Variants in ANKAR observed in about 807,000 individuals in gnomAD.
ANKAR encodes ankyrin and armadillo repeat-containing protein.
ANKAR carries 136 observed loss-of-function variants against 146.2 expected under a neutral mutation model. That is an observed-to-expected ratio of 0.93 (90% CI 0.81 to 1.07). ANKAR has a LOEUF of 1.07. Ranked by LOEUF, ANKAR falls within the 50% of genes least tolerant of loss-of-function variation. The pLI is 0.00. For missense variants in ANKAR, 1,567 were observed against 1,679.9 expected, an observed-to-expected ratio of 0.93 and a Z score of 1.18; for synonymous variants, 500 against 575.8, an observed-to-expected ratio of 0.87 and a Z score of 1.88.
At chr2:189,696,889 A>G (rs2037293156) in intron 7 of ANKAR, among the ~76,000 whole-genome samples, 1 of 152,158 alleles carries the variant, frequency 6.6e-6, no homozygotes, top group South Asian at 2.1e-4. Context: ...TATTTAAATT[A>G]CATTTAATAA....
At chr2:189,712,638 A>G (rs1364712494) in intron 10 of ANKAR, among the ~76,000 whole-genome samples, 1 of 152,230 alleles carries the variant, frequency 6.6e-6, no homozygotes, top group South Asian at 2.1e-4. Flanking sequence ...CAAAGACCAA[A>G]GGTAGATAAA....
At chr2:189,677,701 G>A (rs1376393760) in intron 2 of ANKAR, among the ~76,000 whole-genome samples, 1 of 150,100 alleles carries the variant, frequency 6.7e-6, no homozygotes, top group African/African-American at 2.5e-5. Flanking sequence ...TTTGGAGATG[G>A]GGTCTCCCTG....
chr2:189,720,399 C>T (rs1472170149), intron 11 of ANKAR, among the ~76,000 whole-genome samples: 2 of 152,080 alleles, frequency 1.3e-5, no homozygotes, highest in African/African-American at 4.8e-5. Context: ...AGGCACGTGC[C>T]ACCACGCCTG....
At chr2:189,731,638 C>G (rs902675092) in intron 16 of ANKAR, among the ~76,000 whole-genome samples, 60 of 151,902 alleles carry the variant, frequency 3.9e-4, no homozygotes, top group African/African-American at 1.4e-3. Flanking sequence ...TCCCAAAGTG[C>G]TGGGATTAAG....
chr2:189,753,901 T>C (rs2045670983), intron 18 of ANKAR: 2 of 1,609,898 alleles, frequency 1.2e-6, no homozygotes, highest in Non-Finnish European at 8.5e-7. Flanking sequence ...TACTATAAAA[T>C]GAGATAAAAC....
At chr2:189,698,431 C>T (rs956794619) in intron 7 of ANKAR, among the ~76,000 whole-genome samples, 5 of 151,788 alleles carry the variant, frequency 3.3e-5, no homozygotes, top group Non-Finnish European at 5.9e-5. Context: ...AGGCTGCCAT[C>T]TAGTGGCAGT....
chr2:189,732,016 G>A (rs2042449682), intron 16 of ANKAR, among the ~76,000 whole-genome samples: 2 of 152,112 alleles, frequency 1.3e-5, no homozygotes, highest in Admixed American at 6.6e-5. Context: ...TTTAACAAAT[G>A]TGTGTCTTAT....
chr2:189,702,450 T>C (rs1477900375), intron 7 of ANKAR, among the ~76,000 whole-genome samples: 1 of 152,208 alleles, frequency 6.6e-6, no homozygotes, highest in African/African-American at 2.4e-5. Flanking sequence ...CTTACTCCAG[T>C]AATGATTCCT....
At chr2:189,732,202 A>C (rs983936645) in intron 16 of ANKAR, among the ~76,000 whole-genome samples, 7 of 152,226 alleles carry the variant, frequency 4.6e-5, no homozygotes, top group Non-Finnish European at 1.0e-4. Flanking sequence ...TTTCATAGAA[A>C]TGCATAGTAC....
At chr2:189,746,027 T>A (rs1190824642) in intron 22 of ANKAR, among the ~76,000 whole-genome samples, 2 of 152,158 alleles carry the variant, frequency 1.3e-5, no homozygotes, top group Non-Finnish European at 2.9e-5. Context: ...TAAGAAAAAA[T>A]AAGGGCAAGG....
At chr2:189,758,434 C>A (rs781056630) in intron 18 of ANKAR, among the ~76,000 whole-genome samples, 2 of 152,098 alleles carry the variant, frequency 1.3e-5, no homozygotes, top group African/African-American at 4.8e-5. Flanking sequence ...CGGTCCTGCT[C>A]CTGCCATGTA....
At chr2:189,736,853 C>G (rs924809941) in intron 17 of ANKAR, among the ~76,000 whole-genome samples, 1 of 151,810 alleles carries the variant, frequency 6.6e-6, no homozygotes, top group South Asian at 2.1e-4. Flanking sequence ...CGAGCAGACA[C>G]CTTGAGCTCA....
chr2:189,720,894 A>T (rs1447825294), intron 12 of ANKAR, 107 bp downstream of exon 12: 3 of 893,976 alleles, frequency 3.4e-6, no homozygotes, highest in Non-Finnish European at 4.6e-6. Flanking sequence ...TCTGTGTTTG[A>T]ATAGATCTAA....
chr2:189,760,064 C>A (rs151052089), intron 18 of ANKAR, among the ~76,000 whole-genome samples: 1 of 152,004 alleles, frequency 6.6e-6, no homozygotes, highest in Non-Finnish European at 1.5e-5. Flanking sequence ...TCAGAGAGCA[C>A]GGGGTTGGGG....
In ANKAR at chr2:189,746,517, T is replaced by A. The variant is rs746418907; in HGVS notation, c.4195T>A (p.Ser1399Thr). The A allele has an allele frequency of 1.9e-6, 3 of 1,613,962 alleles. No homozygotes were observed. Among genetic ancestry groups the A allele is most frequent in the South Asian group, 2.2e-5 (2 of 91,050 alleles). The change falls in exon 23 of 23, where the codon TCA becomes ACA. Residue 1399 changes from serine to threonine, a missense_variant. Coordinates refer to ENST00000684021, the MANE Select transcript of ANKAR (RefSeq NM_001378068.1). The stretch of plus-strand genomic sequence containing the variant: ...GGATTCCCATAATATTTTTTCTTTT[T>A]CATCTACAATTACATCAGATATCAC... ...TKDSHNIFSFSSTITSDITNV... is the reference protein window; with the variant it reads ...TKDSHNIFSFTSTITSDITNV...
Position 189,729,715 on chromosome 2 carries a change from T to TGTGTGTGTGTGTGTGTGTGTGTGG in ANKAR, c.3194-779_3194-778insTGTGTGTGTGTGTGTGTGTGTGGG, listed in dbSNP as rs61101787. On this transcript the variant is annotated intron_variant, in intron 15 of 22. Transcript: ENST00000684021. ...CTGTGCGTGTGTGTGTGTGTGTGTG[T>TGTGTGTGTGTGTGTGTGTGTGTGG]GGTGCGGGTGGGGGGTTTGTGGGGA... Among the ~76,000 whole-genome samples the TGTGTGTGTGTGTGTGTGTGTGTGG allele has an allele frequency of 9.7e-3, 1,377 of 141,356 alleles. 47 individuals are homozygous for TGTGTGTGTGTGTGTGTGTGTGTGG. Among genetic ancestry groups the TGTGTGTGTGTGTGTGTGTGTGTGG allele is most frequent in the East Asian group, 0.025 (116 of 4,582 alleles). 92.7% of individuals were successfully genotyped at this position (141,356 alleles called of 152,430 possible).
Position 189,729,354 on chromosome 2 carries a change from G to A in ANKAR, c.3193+533G>A, listed in dbSNP as rs527707127. On this transcript the variant is annotated intron_variant, in intron 15 of 22. Coordinates refer to ENST00000684021, the MANE Select transcript of ANKAR (RefSeq NM_001378068.1). ...CCTTGATGAATGCAGGGTGCTGATT[G>A]TAGACTGCTTCTTGCAAACAAGAGG... Among the ~76,000 whole-genome samples the A allele has an allele frequency of 5.3e-5, 8 of 152,284 alleles. 1 individual carries two copies. The East Asian group carries it at 1.5e-3, about 29-fold the overall frequency.
At chr2:189,679,449 GTTAT>G (rs2034289009) in intron 2 of ANKAR, among the ~76,000 whole-genome samples, 1 of 152,072 alleles carries the variant, frequency 6.6e-6, no homozygotes, top group Non-Finnish European at 1.5e-5. Context: ...TTGGATGTCT[GTTAT>G]TTATTTCTCT....
chr2:189,687,474 A>G (rs2035776682), intron 2 of ANKAR, among the ~76,000 whole-genome samples: 1 of 152,148 alleles, frequency 6.6e-6, no homozygotes, highest in South Asian at 2.1e-4. Context: ...TTGCATTTAT[A>G]CCCAGCAGTG....
Sources: allele counts gnomAD v4.1 joint callset (sites outside exome capture counted in the v4.1 genomes callset), GRCh38; gene constraint gnomAD v4.1.1; transcripts MANE v1.5; gene names NCBI Gene and HGNC (gene_info 2026-07-23, HGNC 2026-07-21).